Variants in MRM3 observed in about 807,000 individuals in gnomAD.
MRM3 encodes the protein mitochondrial rRNA methyltransferase 3.
A neutral mutation model predicts 29.4 loss-of-function variants in MRM3; 26 were observed. That is an observed-to-expected ratio of 0.89 (90% CI 0.65 to 1.23). MRM3 has a LOEUF of 1.23. Ranked by LOEUF, MRM3 falls within the 50% of genes most tolerant of loss-of-function variation. The probability of loss-of-function intolerance (pLI) is 0.00; values close to 1 mark genes in which losing one functional copy is unlikely to be tolerated. For missense variants in MRM3, 578 were observed against 540.2 expected, an observed-to-expected ratio of 1.07 and a Z score of -0.69; for synonymous variants, 225 against 219.0, an observed-to-expected ratio of 1.03 and a Z score of -0.24.
At chr17:785,887 G>T (rs1278178751) in intron 2 of MRM3, among the ~76,000 whole-genome samples, 1 of 152,210 alleles carries the variant, frequency 6.6e-6, no homozygotes, top group African/African-American at 2.4e-5. Context: ...CTGGTAGGAA[G>T]ATGGGCACAG....
Position 791,645 on chromosome 17 carries a change from CT to C in MRM3, c.840del (p.Asp281ThrfsTer33), listed in dbSNP as rs867984822. On this transcript the variant is annotated frameshift_variant, in exon 4 of 4. Transcript: ENST00000304478. LOFTEE classifies it high-confidence loss of function. Reference sequence around the variant, plus strand: ...GAAACCGTGCCCAATTACCTGCCCCCTGACACTCGGGTCTATGTGGCTGACA... The same window carrying C: ...GAAACCGTGCCCAATTACCTGCCCCCGACACTCGGGTCTATGTGGCTGACA... ...EWETVPNYLPPDTRVYVADNC... is the reference protein window; with the variant it reads ...EWETVPNYLPXDTRVYVADNC... 1.2e-6 allele frequency: 2 copies of C among 1,614,126 alleles called. No homozygotes were observed. The highest frequency in any genetic ancestry group is 2.7e-5 in the African/African-American group (2 of 74,938).
chr17:792,054 C>T lies in MRM3; in HGVS notation c.1248C>T (p.Asp416=). ...LRGRAEDLSR[D]RSYH ...GGAGGGCGGAGGACTTGAGCAGGGA[C>T]AGGAGTTACCACTGAGGACGCAGAA... Residue 416 remains aspartate (D), a synonymous_variant, in exon 4 of 4, where the codon GAC becomes GAT. Transcript: ENST00000304478. 1 of 1,602,580 alleles carries T rather than the reference C, an allele frequency of 6.2e-7. No homozygotes were observed. The highest frequency in any genetic ancestry group is 1.3e-5 in the African/African-American group (1 of 74,878).
chr17:792,114 T>G lies in MRM3; in HGVS notation c.*45T>G. On this transcript the variant is annotated 3_prime_UTR_variant, in exon 4 of 4. Coordinates refer to ENST00000304478, the MANE Select transcript of MRM3 (RefSeq NM_018146.4). ...GCTTGAGGACGTCTGCAGCTCCTCC[T>G]ACACCAGCACACTGGTGGGAGGCTG... 6.5e-7 allele frequency: 1 copy of G among 1,536,790 alleles called. No homozygotes were observed. Among genetic ancestry groups the G allele is most frequent in the Non-Finnish European group, 8.8e-7 (1 of 1,137,170 alleles).
Position 787,835 on chromosome 17 carries a change from C to T in MRM3, c.560-130C>T. The stretch of plus-strand genomic sequence containing the variant: ...AAGTGTTGGGATTACAGGCATGAGC[C>T]AGTACACCTGGCCTGTATTCCTGTA... On this transcript the variant is annotated intron_variant, in intron 2 of 3. Transcript: ENST00000304478. This position sits in a 1 kb window ranked among gnomAD's most constrained non-coding sequence, Gnocchi z 4.1. The T allele has an allele frequency of 1.0e-6, 1 of 960,370 alleles. No individual in the cohort carries two copies. The highest frequency in any genetic ancestry group is 1.6e-6 in the Non-Finnish European group (1 of 618,920). The allele number at this position is 960,370 out of a possible 1,614,324, so 59.5% of individuals were successfully genotyped here.
rs1910870706 is a variant in MRM3 at position 792,410 on chromosome 17, G to A, written c.*341G>A. On this transcript the variant is annotated 3_prime_UTR_variant, in exon 4 of 4. Transcript: ENST00000304478. ...AGGCGCCTGCTCCACCAGCTGGTGGGTGTTTGTAATCGCCAAGCACCAGCT... is the reference window on the plus strand; with the variant it reads ...AGGCGCCTGCTCCACCAGCTGGTGGATGTTTGTAATCGCCAAGCACCAGCT... 2 of 264,856 alleles carry A rather than the reference G, an allele frequency of 7.6e-6. No individual in the cohort carries two copies. The highest frequency in any genetic ancestry group is 8.3e-5 in the East Asian group (1 of 12,092). 16.4% of individuals were successfully genotyped at this position (264,856 alleles called of 1,614,324 possible).
In MRM3 at chr17:787,922, G is replaced by A. The variant is rs761070281; in HGVS notation, c.560-43G>A. ...TAAATGAAAAGTCAGACTATTCCCC[G>A]TGCCCACACCAGGCAAGTAAACCAC... is the stretch of plus-strand genomic sequence containing the variant. On this transcript the variant is annotated intron_variant, in intron 2 of 3. Transcript: ENST00000304478. The surrounding 1 kb of genome is among the most constrained non-coding windows in gnomAD (Gnocchi z 4.1). The A allele has an allele frequency of 2.7e-5, 43 of 1,584,946 alleles. No individual in the cohort carries two copies. The highest frequency in any genetic ancestry group is 2.2e-4 in the Middle Eastern group (1 of 4,598).
At position 787,671 on chromosome 17, in the gene MRM3, C is replaced by G. The variant is rs1433975166; in HGVS notation, c.560-294C>G. 2.6e-5 allele frequency among the ~76,000 whole-genome samples: 4 copies of G among 152,182 alleles called. No individual in the cohort carries two copies. The highest frequency in any genetic ancestry group is 5.9e-5 in the Non-Finnish European group (4 of 68,032). ...TCAAGCGATTCTCCTGCCTCAGCCT[C>G]CCAGGTAGCTGGGACTAGAGGCATG... is the stretch of plus-strand genomic sequence containing the variant. On this transcript the variant is annotated intron_variant, in intron 2 of 3. Coordinates refer to ENST00000304478, the MANE Select transcript of MRM3 (RefSeq NM_018146.4). This position sits in a 1 kb window ranked among gnomAD's most constrained non-coding sequence, Gnocchi z 4.1.
chr17:792,148 A>G lies in MRM3; in HGVS notation c.*79A>G. ...ACACTGGTGGGAGGCTGGCGGAGTC[A>G]GTGACTATGGCCCCCACGTTCAGGA... On this transcript the variant is annotated 3_prime_UTR_variant, in exon 4 of 4. Coordinates refer to ENST00000304478, the MANE Select transcript of MRM3 (RefSeq NM_018146.4). 1 of 1,414,912 alleles carries G rather than the reference A, an allele frequency of 7.1e-7. No homozygotes were observed. Among genetic ancestry groups the G allele is most frequent in the Non-Finnish European group, 9.6e-7 (1 of 1,042,398 alleles). The allele number at this position is 1,414,912 out of a possible 1,614,324, so 87.6% of individuals were successfully genotyped here. A position where few individuals can be genotyped will look rare whatever the true frequency, so the allele number is the denominator to read the frequency against.
chr17:789,248 T>C (rs991543402), intron 3 of MRM3, among the ~76,000 whole-genome samples: 1 of 152,246 alleles, frequency 6.6e-6, no homozygotes. Flanking sequence ...TGTAATGATA[T>C]TGAGTTCCCA....
At chr17:784,517 GGTGTGCTC>G (rs1910441826) in intron 2 of MRM3, among the ~76,000 whole-genome samples, 1 of 152,114 alleles carries the variant, frequency 6.6e-6, no homozygotes, top group Non-Finnish European at 1.5e-5. Flanking sequence ...ACTTGGGGCA[GGTGTGCTC>G]ACAGTGGCCA....
Position 782,577 on chromosome 17 carries a change from G to A in MRM3, c.199G>A (p.Ala67Thr). 1 of 1,614,116 alleles carries A rather than the reference G, an allele frequency of 6.2e-7. No individual in the cohort carries two copies. Among genetic ancestry groups the A allele is most frequent in the Non-Finnish European group, 8.5e-7 (1 of 1,180,002 alleles). ...CCGCAAGGCACCATCTGAGGCCAGTGCCCAGGAGCAACGAGAGAAACAACC... is the reference window on the plus strand; with the variant it reads ...CCGCAAGGCACCATCTGAGGCCAGTACCCAGGAGCAACGAGAGAAACAACC... ...QPRKAPSEAS[A>T]QEQREKQPLE... is the part of the protein sequence containing the mutation. The change falls in exon 1 of 4, where the codon GCC becomes ACC. Residue 67 changes from alanine to threonine, a missense_variant. Coordinates refer to ENST00000304478, the MANE Select transcript of MRM3 (RefSeq NM_018146.4).
chr17:782,764 TC>T, intron 1 of MRM3, 72 bp downstream of exon 1: 1 of 1,461,456 alleles, frequency 6.8e-7, no homozygotes, highest in Non-Finnish European at 9.2e-7. Context: ...TTAACCTCCT[TC>T]CGATGGAGGA....
chr17:785,395 T>C (rs1910487435), intron 2 of MRM3, among the ~76,000 whole-genome samples: 1 of 144,534 alleles, frequency 6.9e-6, no homozygotes, highest in Non-Finnish European at 1.6e-5. Flanking sequence ...GTAGAGATTA[T>C]ATAATGTAGA....
At position 792,135 on chromosome 17, in the gene MRM3, G is replaced by A; in HGVS notation, c.*66G>A. ...CTCCTACACCAGCACACTGGTGGGA[G>A]GCTGGCGGAGTCAGTGACTATGGCC... On this transcript the variant is annotated 3_prime_UTR_variant, in exon 4 of 4. Transcript: ENST00000304478. 6.7e-7 allele frequency: 1 copy of A among 1,489,772 alleles called. No homozygotes were observed. Among genetic ancestry groups the A allele is most frequent in the Non-Finnish European group, 9.0e-7 (1 of 1,106,668 alleles). 92.3% of individuals were successfully genotyped at this position (1,489,772 alleles called of 1,614,324 possible). A position where few individuals can be genotyped will look rare whatever the true frequency, so the allele number is the denominator to read the frequency against.
chr17:783,968 G>A (rs1910404887), intron 2 of MRM3, among the ~76,000 whole-genome samples: 1 of 152,150 alleles, frequency 6.6e-6, no homozygotes, highest in South Asian at 2.1e-4. Context: ...CCAATGTGGT[G>A]ATAACTGTCA....
At position 786,462 on chromosome 17, in the gene MRM3, A is replaced by T. The variant is rs576128956; in HGVS notation, c.560-1503A>T. On this transcript the variant is annotated intron_variant, in intron 2 of 3. Coordinates refer to ENST00000304478, the MANE Select transcript of MRM3 (RefSeq NM_018146.4). ...CTAATTTTTTTGTTATTTTTAGTAG[A>T]GACAGGGTTTCACCGTATTAGCCAG... Among the ~76,000 whole-genome samples, 27 of 152,174 alleles carry T rather than the reference A, an allele frequency of 1.8e-4. No homozygotes were observed. In the South Asian group the frequency reaches 5.6e-3, roughly 32 times the overall value.
chr17:784,384 A>G (rs556740646), intron 2 of MRM3, among the ~76,000 whole-genome samples: 1 of 152,314 alleles, frequency 6.6e-6, no homozygotes, highest in South Asian at 2.1e-4. Flanking sequence ...CCATATTCTC[A>G]CTAGCTACAG....
In MRM3 at chr17:783,203, C is replaced by G. The variant is rs776856769; in HGVS notation, c.435C>G (p.Phe145Leu). Residue 145 changes from phenylalanine (F) to leucine (L), a missense_variant, in exon 2 of 4, where the codon TTC (phenylalanine) becomes TTG (leucine). Coordinates refer to ENST00000304478, the MANE Select transcript of MRM3 (RefSeq NM_018146.4). ...CTGGAGCTGTGCCAAAAATGTTCTT[C>G]TTTAGCCGTCTAGAATACCTAAAGG... ...LKAGAVPKMF[F>L]FSRLEYLKEL... 1 of 1,614,160 alleles carries G rather than the reference C, an allele frequency of 6.2e-7. No individual in the cohort carries two copies. The highest frequency in any genetic ancestry group is 2.2e-5 in the East Asian group (1 of 44,894).
At chr17:785,027 G>C (rs1910471128) in intron 2 of MRM3, among the ~76,000 whole-genome samples, 1 of 152,094 alleles carries the variant, frequency 6.6e-6, no homozygotes, top group African/African-American at 2.4e-5. Context: ...TCAGTCAGTA[G>C]CCCATTTATT....
Sources: gnomAD v4.1 joint callset for allele counts (sites outside exome capture counted in the v4.1 genomes callset) on GRCh38, gnomAD v4.1.1 for gene constraint, Gnocchi (gnomAD v3.1) non-coding constraint, MANE v1.5 for transcripts, NCBI Gene and HGNC (gene_info 2026-07-23, HGNC 2026-07-21) for gene names.